The following PC variants were observed in gnomAD, a reference collection of about 807,000 sequenced individuals.
PC encodes pyruvate carboxylase.
Under a neutral mutation model 107.8 loss-of-function variants are expected in PC, and 46 were observed. The ratio of observed to expected loss-of-function variants is 0.43; its 90% CI spans 0.34 to 0.55. The LOEUF (loss-of-function observed/expected upper bound fraction) is 0.55, where lower values mean the gene tolerates loss of function less well. PC is among the 20% of genes least tolerant of loss of function. The pLI, the probability that PC is intolerant of heterozygous loss-of-function variation, is 0.04. For synonymous variants in PC, 662 were observed against 684.7 expected (o/e 0.97, Z 0.52); for missense variants, 1,241 against 1,643.1 (o/e 0.76, Z 4.23).
chr11:66,925,921 G>GT (rs1260902490), intron 3 of PC, among the ~76,000 whole-genome samples: 11 of 147,430 alleles, frequency 7.5e-5, no homozygotes, highest in Admixed American at 3.4e-4. Flanking sequence ...AGGGAGGGGA[G>GT]TTAAAAAAAA....
Position 66,866,302 on chromosome 11 carries a change from A to G in PC, c.1070T>C (p.Leu357Pro). 1 of 1,611,122 alleles carries G rather than the reference A, an allele frequency of 6.2e-7. No individual in the cohort carries two copies. Among genetic ancestry groups the G allele is most frequent in the Non-Finnish European group, 8.5e-7 (1 of 1,179,302 alleles). ...AQIHVAEGRS[L>P]PDLGLRQENI... ...CTCCTGCCGCAGGCCCAGGTCGGGT[A>G]GGCTCCTGCCCTCAGCCACGTGGAT... The change falls in exon 11 of 23, where the codon CTA becomes CCA. Residue 357 changes from leucine to proline, a missense_variant. Leu to Pro is a moderately conservative substitution (Grantham distance 98). This residue lies in a region of PC where 1,143 missense variants were observed against 1,551.9 expected (regional missense o/e 0.74). Coordinates refer to ENST00000393960, the MANE Select transcript of PC (RefSeq NM_001040716.2). The surrounding 1 kb of genome is among the most constrained non-coding windows in gnomAD (Gnocchi z 5.4).
chr11:66,908,217 G>A (rs931292752), intron 3 of PC, among the ~76,000 whole-genome samples: 1 of 152,180 alleles, frequency 6.6e-6, no homozygotes, highest in African/African-American at 2.4e-5. Context: ...TCTGGCCTAA[G>A]GAAAGGAGCA....
At chr11:66,931,384 G>GAAAAAAAAAAAAAAAAAAAAAAAAAAAAA (rs60081578) in intron 3 of PC, among the ~76,000 whole-genome samples, 1 of 84,946 alleles carries the variant, frequency 1.2e-5, no homozygotes, top group Non-Finnish European at 2.3e-5. Context: ...TCCATCTCAA[G>GAAAAAAAAAAAAAAAAAAAAAAAAAAAAA]AAAAAAAAAA....
rs751178727 is a variant in PC at position 66,860,008 on chromosome 11, G to A, written c.1368+3766C>T. On this transcript the variant is annotated intron_variant, in intron 12 of 22. Coordinates refer to ENST00000393960, the MANE Select transcript of PC (RefSeq NM_001040716.2). ...CCCACACCCAAGGCCCACCCGCCGCGGAGCCCCCCGCCCCGGCCGCAGCGC... is the reference window on the plus strand; with the variant it reads ...CCCACACCCAAGGCCCACCCGCCGCAGAGCCCCCCGCCCCGGCCGCAGCGC... The A allele has an allele frequency of 1.4e-5, 22 of 1,592,234 alleles. No homozygotes were observed. The East Asian group carries it at 2.1e-4, about 15-fold the overall frequency.
At chr11:66,879,180 C>T (rs1947093929) in intron 3 of PC, among the ~76,000 whole-genome samples, 1 of 152,210 alleles carries the variant, frequency 6.6e-6, no homozygotes, top group Non-Finnish European at 1.5e-5. Context: ...CAGCTCCATG[C>T]TGACCTCCCC....
chr11:66,862,043 C>T (rs977090187), intron 12 of PC, among the ~76,000 whole-genome samples: 7 of 152,226 alleles, frequency 4.6e-5, no homozygotes, highest in South Asian at 2.1e-4. Flanking sequence ...CACAGAGCAA[C>T]GGGCAGGGGC....
At chr11:66,862,958 G>A (rs915188113) in intron 12 of PC, among the ~76,000 whole-genome samples, 1 of 152,238 alleles carries the variant, frequency 6.6e-6, no homozygotes, top group Non-Finnish European at 1.5e-5. Flanking sequence ...CAGGGGGCTG[G>A]CGGGGGCCTG....
chr11:66,891,446 T>C (rs907894043), intron 3 of PC, among the ~76,000 whole-genome samples: 4 of 151,702 alleles, frequency 2.6e-5, no homozygotes, highest in African/African-American at 9.7e-5. Flanking sequence ...CAGGCTGGAG[T>C]ACAATGGCGC....
intron 3 of PC, among the ~76,000 whole-genome samples, chr11:66,920,168 G>A (rs1948560455): frequency 6.6e-6 from 1 of 152,092 alleles, no homozygotes; most frequent in African/African-American, 2.4e-5. Context: ...AGGGGAGGAG[G>A]GGAAAGACGA....
At position 66,848,621 on chromosome 11, in the gene PC, T is replaced by C. The variant is rs577770825; in HGVS notation, c.*278A>G. On this transcript the variant is annotated 3_prime_UTR_variant, in exon 23 of 23. Coordinates refer to ENST00000393960, the MANE Select transcript of PC (RefSeq NM_001040716.2). The stretch of plus-strand genomic sequence containing the variant: ...GGAGATAGGACCCCTAAACCTCCCC[T>C]GGGTCCTAGGACCACCTGACCCACC... 6.1e-5 allele frequency: 37 copies of C among 603,242 alleles called. No individual in the cohort carries two copies. In the South Asian group the frequency reaches 7.0e-4, roughly 11 times the overall value. 37.4% of individuals were successfully genotyped at this position (603,242 alleles called of 1,614,324 possible).
intron 3 of PC, among the ~76,000 whole-genome samples, chr11:66,898,742 C>T (rs1051743917): frequency 2.6e-5 from 4 of 152,166 alleles, no homozygotes; most frequent in East Asian, 3.8e-4. Context: ...GTGCATCTAC[C>T]GCCATAATCC....
At chr11:66,944,822 T>A (rs1451063431) in intron 3 of PC, among the ~76,000 whole-genome samples, 1 of 116,484 alleles carries the variant, frequency 8.6e-6, no homozygotes, top group Admixed American at 8.1e-5. Context: ...TTGGGCCACA[T>A]GTGCATCAGA....
In PC at chr11:66,870,173, C is replaced by A. The variant is rs1946662966; in HGVS notation, c.903+129G>T. 1.7e-6 allele frequency: 2 copies of A among 1,167,092 alleles called. No homozygotes were observed. The highest frequency in any genetic ancestry group is 1.5e-5 in the African/African-American group (1 of 66,036). The allele number at this position is 1,167,092 out of a possible 1,614,324, so 72.3% of individuals were successfully genotyped here. A position where few individuals can be genotyped will look rare whatever the true frequency, so the allele number is the denominator to read the frequency against. ...TTCTGGCCCCCAGGAGAGTCCTTCA[C>A]CCTCTTCTCCCCATCCCCAGTCCCC... is the stretch of plus-strand genomic sequence containing the variant. On this transcript the variant is annotated intron_variant, in intron 9 of 22. Coordinates refer to ENST00000393960, the MANE Select transcript of PC (RefSeq NM_001040716.2). The surrounding 1 kb of genome is among the most constrained non-coding windows in gnomAD (Gnocchi z 6.1).
Position 66,923,830 on chromosome 11 carries a change from G to A in PC, c.-1+28600C>T, listed in dbSNP as rs959012135. On this transcript the variant is annotated intron_variant, in intron 3 of 22. Coordinates refer to ENST00000393960, the MANE Select transcript of PC (RefSeq NM_001040716.2). Reference sequence around the variant, plus strand: ...CCACCATGCCCGGCCAATACAAAGGGTTTAAAAGGTCACAGAAAAGCACAT... The same window carrying A: ...CCACCATGCCCGGCCAATACAAAGGATTTAAAAGGTCACAGAAAAGCACAT... 4.1e-5 allele frequency among the ~76,000 whole-genome samples: 6 copies of A among 144,644 alleles called. No homozygotes were observed. In the South Asian group the frequency reaches 1.1e-3, roughly 26 times the overall value. 94.9% of individuals were successfully genotyped at this position (144,644 alleles called of 152,430 possible). A position where few individuals can be genotyped will look rare whatever the true frequency, so the allele number is the denominator to read the frequency against.
At chr11:66,869,892 AC>A (rs1259507954) in intron 9 of PC, among the ~76,000 whole-genome samples, 8 of 152,220 alleles carry the variant, frequency 5.3e-5, no homozygotes, top group Non-Finnish European at 1.2e-4. Context: ...ATCATAATAA[AC>A]ATGATGTAGG....
intron 1 of PC, 68 bp from the exon 2 acceptor site, chr11:66,954,504 G>A (rs1438696388): frequency 4.6e-5 from 7 of 152,362 alleles, no homozygotes; most frequent in Admixed American, 4.6e-4. Flanking sequence ...CAGGCAAAAT[G>A]CCCTGCTGCT....
intron 3 of PC, among the ~76,000 whole-genome samples, chr11:66,881,750 T>A (rs1947195564): frequency 6.6e-6 from 1 of 152,038 alleles, no homozygotes; most frequent in African/African-American, 2.4e-5. Flanking sequence ...CCTCATCACC[T>A]CCCTGTACAG....
At chr11:66,937,698 C>A (rs1360177867) in intron 3 of PC, among the ~76,000 whole-genome samples, 2 of 151,994 alleles carry the variant, frequency 1.3e-5, no homozygotes, top group Non-Finnish European at 2.9e-5. Flanking sequence ...TTTCTGCCTG[C>A]TCAAATCTGC....
intron 3 of PC, among the ~76,000 whole-genome samples, chr11:66,931,809 A>G (rs1948861791): frequency 6.6e-6 from 1 of 152,120 alleles, no homozygotes; most frequent in South Asian, 2.1e-4. Context: ...CAAGATCAGG[A>G]GATAGAGACC....
Sources: allele counts gnomAD v4.1 joint callset (sites outside exome capture counted in the v4.1 genomes callset), GRCh38; gene constraint gnomAD v4.1.1; regional missense constraint gnomAD v4.1.1; non-coding constraint Gnocchi (gnomAD v3.1); transcripts MANE v1.5; gene names NCBI Gene and HGNC (gene_info 2026-07-23, HGNC 2026-07-21).